The following PCLO variants were observed in gnomAD, a reference collection of about 807,000 sequenced individuals.
The protein encoded by PCLO is piccolo presynaptic cytomatrix protein, also known as protein piccolo.
A neutral mutation model predicts 427.5 loss-of-function variants in PCLO; 82 were observed. The ratio of observed to expected loss-of-function variants is 0.19; its 90% confidence interval spans 0.16 to 0.23. PCLO has a LOEUF of 0.23. PCLO is among the 10% of genes least tolerant of loss of function. The pLI is 1.00. For missense variants in PCLO, 6,239 were observed against 6,115.9 expected (o/e 1.02, Z -0.67); for synonymous variants, 2,357 against 2,155.4 (o/e 1.09, Z -2.59).
At chr7:83,029,302 A>T (rs1485568138) in intron 3 of PCLO, among the ~76,000 whole-genome samples, 5 of 151,978 alleles carry the variant, frequency 3.3e-5, no homozygotes, top group African/African-American at 1.2e-4. Context: ...TGGGCAAAGG[A>T]CATGAGCAGA....
At chr7:83,096,953 A>T (rs866704222) in intron 3 of PCLO, among the ~76,000 whole-genome samples, 25 of 34,836 alleles carry the variant, frequency 7.2e-4, no homozygotes, top group Admixed American at 1.9e-3. Flanking sequence ...ATATTATATA[A>T]ATAATATAAT....
At chr7:83,013,878 G>T (rs1467834125) in intron 3 of PCLO, among the ~76,000 whole-genome samples, 1 of 152,100 alleles carries the variant, frequency 6.6e-6, no homozygotes, top group Non-Finnish European at 1.5e-5. Context: ...ATTATGTGAA[G>T]TATTCTTTGT....
intron 22 of PCLO, among the ~76,000 whole-genome samples, chr7:82,792,227 T>A (rs553309361): frequency 1.7e-4 from 26 of 152,298 alleles, no homozygotes; most frequent in Admixed American, 1.7e-3. Flanking sequence ...TAGAAAATTA[T>A]TTACTTCAAA....
chr7:83,124,788 C>A (rs1791385538), intron 3 of PCLO, among the ~76,000 whole-genome samples: 1 of 152,270 alleles, frequency 6.6e-6, no homozygotes, highest in East Asian at 1.9e-4. Context: ...TCCCGCTTTC[C>A]AGGGTCTCCC....
rs1231747964 is a variant in PCLO, at chr7:83,155,997, G to A, written c.644C>T (p.Pro215Leu). ...GIIKPPLQQQPPKPIPKQQGP... is the reference protein window; with the variant it reads ...GIIKPPLQQQLPKPIPKQQGP... Reference sequence around the variant, plus strand: ...TTGCTGCTTAGGAATCGGCTTGGGTGGCTGTTGTTGTAAAGGAGGTTTTAT... The same window carrying A: ...TTGCTGCTTAGGAATCGGCTTGGGTAGCTGTTGTTGTAAAGGAGGTTTTAT... Residue 215 changes from proline to leucine, a missense_variant, in exon 2 of 25, where the codon CCA (proline) becomes CTA (leucine). Around this residue, in one of 5 missense-constraint regions of PCLO, gnomAD observed 4,677 missense variants for 4,468.4 expected, o/e 1.05. Coordinates refer to ENST00000333891, the MANE Select transcript of PCLO (RefSeq NM_033026.6). 2 of 1,613,444 alleles carry A rather than the reference G, an allele frequency of 1.2e-6. No homozygotes were observed. Among genetic ancestry groups the A allele is most frequent in the African/African-American group, 1.3e-5 (1 of 74,794 alleles).
At chr7:83,050,772 G>T (rs1789234112) in intron 3 of PCLO, among the ~76,000 whole-genome samples, 1 of 151,508 alleles carries the variant, frequency 6.6e-6, no homozygotes, top group Non-Finnish European at 1.5e-5. Flanking sequence ...AATTATCCGG[G>T]CATGGTGGTA....
chr7:82,862,452 T>C (rs1177283402), intron 10 of PCLO, among the ~76,000 whole-genome samples: 2 of 150,870 alleles, frequency 1.3e-5, no homozygotes, highest in Admixed American at 1.3e-4. Context: ...CTGCTGGGTA[T>C]ATATCCAAAA....
Position 82,954,799 on chromosome 7 carries a change from T to C in PCLO, c.6154A>G (p.Thr2052Ala). The C allele has an allele frequency of 1.9e-6, 3 of 1,613,838 alleles. No homozygotes were observed. The highest frequency in any genetic ancestry group is 2.5e-6 in the Non-Finnish European group (3 of 1,179,796). Reference protein sequence around the residue: ...IVDLGTMVTSTEEERKLLDAD... With the variant: ...IVDLGTMVTSAEEERKLLDAD... ...TCTAGTAGTTTCCTTTCTTCTTCTG[T>C]AGAAGTTACCATAGTACCCAGGTCC... Residue 2052 changes from threonine (T) to alanine (A), a missense_variant, in exon 5 of 25, where the codon ACA becomes GCA. Physicochemically the swap from Thr to Ala is moderately conservative, Grantham distance 58. This residue lies in a region of PCLO where 4,677 missense variants were observed against 4,468.4 expected (regional missense o/e 1.05). Coordinates refer to ENST00000333891, the MANE Select transcript of PCLO (RefSeq NM_033026.6).
At chr7:83,150,726 T>C (rs1195534846) in intron 2 of PCLO, among the ~76,000 whole-genome samples, 1 of 152,134 alleles carries the variant, frequency 6.6e-6, no homozygotes, top group Non-Finnish European at 1.5e-5. Context: ...ATTAGAGAAA[T>C]TCTTCCTTTT....
At chr7:83,030,487 C>G (rs963268519) in intron 3 of PCLO, among the ~76,000 whole-genome samples, 3 of 152,144 alleles carry the variant, frequency 2.0e-5, no homozygotes, top group Non-Finnish European at 4.4e-5. Flanking sequence ...TACCCTTAAT[C>G]TTTTCAACTC....
At chr7:83,015,124 T>C (rs1562919675) in intron 3 of PCLO, among the ~76,000 whole-genome samples, 2 of 152,152 alleles carry the variant, frequency 1.3e-5, no homozygotes, top group African/African-American at 2.4e-5. Flanking sequence ...GATTCGGACC[T>C]AGGTAGCCTC....
At chr7:83,152,131 A>G (rs1057261626) in intron 2 of PCLO, among the ~76,000 whole-genome samples, 1 of 151,646 alleles carries the variant, frequency 6.6e-6, no homozygotes, top group Non-Finnish European at 1.5e-5. Context: ...CGCCCGGCTA[A>G]TTTTTTGTAT....
Position 82,915,952 on chromosome 7 carries a change from T to C in PCLO, c.12034A>G (p.Arg4012Gly), listed in dbSNP as rs532942724. 6.2e-7 allele frequency: 1 copy of C among 1,613,108 alleles called. No homozygotes were observed. The highest frequency in any genetic ancestry group is 2.2e-5 in the East Asian group (1 of 44,860). ...CTACTTCTTTCCTCCAAACCTATTC[T>C]CAAGTCTAAACTATTGTACTTACTA... The part of the protein sequence containing the change: ...LGSKYNSLDL[R>G]IGLEERSSMA... Residue 4012 changes from arginine (R) to glycine (G), a missense_variant, in exon 7 of 25, where the codon AGA (arginine) becomes GGA (glycine). Transcript: ENST00000333891.
chr7:82,809,409 T>C (rs1791521078), intron 20 of PCLO, among the ~76,000 whole-genome samples: 1 of 151,704 alleles, frequency 6.6e-6, no homozygotes, highest in South Asian at 2.1e-4. Flanking sequence ...AAGTTATCTG[T>C]AAAGGCCTAG....
chr7:82,760,384 C>T (rs959410582), intron 24 of PCLO, among the ~76,000 whole-genome samples: 4 of 151,734 alleles, frequency 2.6e-5, no homozygotes, highest in African/African-American at 9.7e-5. Context: ...GGTTTAGTGG[C>T]AGTAAGCATG....
chr7:82,895,505 A>C (rs928379808), intron 9 of PCLO, among the ~76,000 whole-genome samples: 1 of 151,890 alleles, frequency 6.6e-6, no homozygotes. Flanking sequence ...AAAACAAAAA[A>C]TAATGGAGAA....
chr7:83,133,786 A>C lies in PCLO; in HGVS notation c.3300+464T>G, dbSNP rs1425940547. ...ATAGTAGATTTTATGGTGTTTATGC[A>C]TATTCAACCAAACAAACTTCTTTTA... On this transcript the variant is annotated intron_variant, in intron 3 of 24. Transcript: ENST00000333891. Among the ~76,000 whole-genome samples the C allele has an allele frequency of 3.9e-5, 6 of 152,208 alleles. No individual in the cohort carries two copies. The East Asian group carries it at 1.2e-3, about 29-fold the overall frequency.
At chr7:82,927,413 T>C (rs1322998313) in intron 6 of PCLO, among the ~76,000 whole-genome samples, 1 of 152,184 alleles carries the variant, frequency 6.6e-6, no homozygotes, top group Non-Finnish European at 1.5e-5. Context: ...CATGTATGCA[T>C]TCGTGTTTTT....
At chr7:82,961,193 A>G (rs1795649034) in intron 4 of PCLO, among the ~76,000 whole-genome samples, 1 of 152,224 alleles carries the variant, frequency 6.6e-6, no homozygotes, top group African/African-American at 2.4e-5. Context: ...AAAATTCTGC[A>G]TCAGGAAAAC....
Sources: allele counts gnomAD v4.1 joint callset (sites outside exome capture counted in the v4.1 genomes callset), GRCh38; gene constraint gnomAD v4.1.1; regional missense constraint gnomAD v4.1.1; transcripts MANE v1.5; gene names NCBI Gene and HGNC (gene_info 2026-07-23, HGNC 2026-07-21).